TRIM33: variants seen among roughly 807,000 people sequenced by gnomAD.
The protein encoded by TRIM33 is tripartite motif containing 33.
A neutral mutation model predicts 125.4 loss-of-function variants in TRIM33; 20 were observed. The observed-to-expected ratio is 0.16, with a 90% CI of 0.11 to 0.23. The LOEUF (loss-of-function observed/expected upper bound fraction) is 0.23, where lower values mean the gene tolerates loss of function less well. Among genes scored for constraint, TRIM33 ranks in the 10% least tolerant of loss-of-function variants. The pLI, the probability that TRIM33 is intolerant of heterozygous loss-of-function variation, is 1.00. For synonymous variants in TRIM33, 564 were observed against 513.9 expected, an observed-to-expected ratio of 1.10 and a Z score of -1.32; for missense variants, 920 against 1,411.4, an observed-to-expected ratio of 0.65 and a Z score of 5.58.
At chr1:114,491,127 C>G (rs1032708884) in intron 1 of TRIM33, among the ~76,000 whole-genome samples, 2 of 152,162 alleles carry the variant, frequency 1.3e-5, no homozygotes, top group African/African-American at 2.4e-5. Flanking sequence ...CTAAAAACTA[C>G]TGAACCATAC....
At position 114,405,706 on chromosome 1, in the gene TRIM33, T is replaced by C. The variant is rs1219257162; in HGVS notation, c.2472A>G (p.Leu824=). 5 of 1,614,074 alleles carry C rather than the reference T, an allele frequency of 3.1e-6. No individual in the cohort carries two copies. Among genetic ancestry groups the C allele is most frequent in the Admixed American group, 1.7e-5 (1 of 60,004 alleles). ...TTGCCAATGCATCCAATTCACTTTC[T>C]AGATGCAGGTTGGTTGAGAGAGGTG... ...LTPPLSTNLH[L]ESELDALASL... The change falls in exon 15 of 20, where the codon CTA becomes CTG. Residue 824 remains leucine (L), a synonymous_variant. Transcript: ENST00000358465.
intron 4 of TRIM33, among the ~76,000 whole-genome samples, chr1:114,438,185 A>G (rs1289691121): frequency 6.6e-6 from 1 of 152,214 alleles, no homozygotes; most frequent in Non-Finnish European, 1.5e-5. Flanking sequence ...GCCAAGTGAT[A>G]CAGTACTATT....
chr1:114,464,998 G>C (rs1650204031), intron 1 of TRIM33, among the ~76,000 whole-genome samples: 1 of 152,120 alleles, frequency 6.6e-6, no homozygotes, highest in African/African-American at 2.4e-5. Context: ...CCCAGTGAAA[G>C]GGATTTCAAA....
intron 5 of TRIM33, among the ~76,000 whole-genome samples, chr1:114,432,817 C>T (rs183421166): frequency 6.6e-6 from 1 of 152,016 alleles, no homozygotes; most frequent in African/African-American, 2.4e-5. Flanking sequence ...GTGTAAAGTA[C>T]TATTTTCATT....
At position 114,424,723 on chromosome 1, in the gene TRIM33, T is replaced by C. The variant is rs1647440618; in HGVS notation, c.1728A>G (p.Gln576=). 1.2e-6 allele frequency: 2 copies of C among 1,605,112 alleles called. No individual in the cohort carries two copies. The highest frequency in any genetic ancestry group is 8.5e-7 in the Non-Finnish European group (1 of 1,175,740). ...PPRLISVQTM[Q]RGNMNCGAFQ... is the part of the protein sequence containing the mutation. ...AAGCTCCACAGTTCATGTTGCCTCT[T>C]TGCATTGTTTGCACACTGATCAATC... Residue 576 remains glutamine (Q), a synonymous_variant, in exon 10 of 20, where the codon CAA becomes CAG. Transcript: ENST00000358465.
chr1:114,446,350 TTCTCA>T (rs1415563576), intron 4 of TRIM33, among the ~76,000 whole-genome samples: 1 of 152,186 alleles, frequency 6.6e-6, no homozygotes, highest in Non-Finnish European at 1.5e-5. Context: ...TTACTTTCTC[TTCTCA>T]TAACTTCCTT....
At chr1:114,487,025 T>G (rs1651741662) in intron 1 of TRIM33, among the ~76,000 whole-genome samples, 1 of 150,348 alleles carries the variant, frequency 6.7e-6, no homozygotes, top group South Asian at 2.1e-4. Flanking sequence ...AAATGGAGAC[T>G]GCAGTGAGCC....
chr1:114,481,917 C>A (rs137882188), intron 1 of TRIM33, among the ~76,000 whole-genome samples: 4 of 151,928 alleles, frequency 2.6e-5, no homozygotes, highest in African/African-American at 9.7e-5. Flanking sequence ...CGCCACCATG[C>A]CCAGCTAATA....
In TRIM33 at chr1:114,488,241, T is replaced by C. The variant is rs899165042; in HGVS notation, c.526+22310A>G. Among the ~76,000 whole-genome samples, 5 of 152,214 alleles carry C rather than the reference T, an allele frequency of 3.3e-5. No individual in the cohort carries two copies. In the East Asian group the frequency reaches 9.6e-4, roughly 29 times the overall value. On this transcript the variant is annotated intron_variant, in intron 1 of 19. Coordinates refer to ENST00000358465, the MANE Select transcript of TRIM33 (RefSeq NM_015906.4). Reference sequence around the variant, plus strand: ...AAAGACGGAATCTTAAAAAGAACTTTAGGTAACTCAAACGAAGTCAAGAGA... The same window carrying C: ...AAAGACGGAATCTTAAAAAGAACTTCAGGTAACTCAAACGAAGTCAAGAGA...
chr1:114,466,666 G>A (rs1252555457), intron 1 of TRIM33, among the ~76,000 whole-genome samples: 2 of 152,174 alleles, frequency 1.3e-5, no homozygotes, highest in Non-Finnish European at 2.9e-5. Flanking sequence ...TACTCCCAGT[G>A]TATTGTCCCA....
intron 11 of TRIM33, among the ~76,000 whole-genome samples, chr1:114,419,297 A>G (rs2101135937): frequency 6.6e-6 from 1 of 152,192 alleles, no homozygotes; most frequent in South Asian, 2.1e-4. Flanking sequence ...GATTTGAGTA[A>G]TAACTCCACC....
At chr1:114,475,191 T>C (rs1412835259) in intron 1 of TRIM33, among the ~76,000 whole-genome samples, 4 of 152,200 alleles carry the variant, frequency 2.6e-5, no homozygotes, top group African/African-American at 4.8e-5. Context: ...AGTGGTCTAA[T>C]ATATGTGTAA....
At chr1:114,481,028 C>G (rs1228221248) in intron 1 of TRIM33, among the ~76,000 whole-genome samples, 3 of 151,770 alleles carry the variant, frequency 2.0e-5, no homozygotes, top group Non-Finnish European at 4.4e-5. Context: ...AAAAATTAGC[C>G]AGGTGTGGTG....
intron 4 of TRIM33, among the ~76,000 whole-genome samples, chr1:114,462,356 T>A (rs544868716): frequency 6.6e-6 from 1 of 152,328 alleles, no homozygotes; most frequent in Admixed American, 6.5e-5. Flanking sequence ...CACATTTAAG[T>A]GTGGTTAACC....
chr1:114,467,734 T>C (rs1232179531), intron 1 of TRIM33, among the ~76,000 whole-genome samples: 1 of 152,214 alleles, frequency 6.6e-6, no homozygotes, highest in African/African-American at 2.4e-5. Context: ...TTGTTACCAC[T>C]GTACCAATTT....
At position 114,405,591 on chromosome 1, in the gene TRIM33, G is replaced by A; in HGVS notation, c.2587C>T (p.Pro863Ser). Residue 863 changes from proline (P) to serine (S), a missense_variant, in exon 15 of 20, where the codon CCA becomes TCA. Coordinates refer to ENST00000358465, the MANE Select transcript of TRIM33 (RefSeq NM_015906.4). ...GLSSLVNGKS[P>S]IRSLMHRSAR... ...GACCTGTGCATGAGGCTTCGAATTG[G>A]GGACTTTCCATTAACAAGGCTGCTG... 6.2e-7 allele frequency: 1 copy of A among 1,614,092 alleles called. No homozygotes were observed. Among genetic ancestry groups the A allele is most frequent in the East Asian group, 2.2e-5 (1 of 44,882 alleles).
At chr1:114,408,652 A>C in intron 13 of TRIM33, 25 bp downstream of exon 13, 1 of 1,517,290 alleles carries the variant, frequency 6.6e-7, no homozygotes, top group Non-Finnish European at 9.0e-7. Context: ...ACAAAAAGGA[A>C]AAAAATAATT....
intron 17 of TRIM33, 31 bp downstream of exon 17, chr1:114,401,358 C>T (rs745632421): frequency 5.7e-6 from 9 of 1,588,994 alleles, no homozygotes; most frequent in Non-Finnish European, 6.9e-6. Flanking sequence ...TATGAGACTT[C>T]CCCACCGAGC....
chr1:114,501,114 C>T (rs1386289771), intron 1 of TRIM33, among the ~76,000 whole-genome samples: 1 of 66,202 alleles, frequency 1.5e-5, no homozygotes, highest in Non-Finnish European at 3.1e-5. Flanking sequence ...GGCGTGAACC[C>T]GGGAGGCGGA....
Sources: allele counts gnomAD v4.1 joint callset (sites outside exome capture counted in the v4.1 genomes callset), GRCh38; gene constraint gnomAD v4.1.1; transcripts MANE v1.5; gene names NCBI Gene and HGNC (gene_info 2026-07-23, HGNC 2026-07-21).